Variants in RBFOX1 observed in about 807,000 individuals in gnomAD.
RBFOX1 encodes the protein RNA binding protein fox-1 homolog 1.
Under a neutral mutation model 57.7 loss-of-function variants are expected in RBFOX1, and 8 were observed. That is an observed-to-expected ratio of 0.14 (90% CI 0.08 to 0.25). RBFOX1 has a LOEUF of 0.25. Ranked by LOEUF, RBFOX1 falls within the 10% of genes least tolerant of loss-of-function variation. The probability of loss-of-function intolerance (pLI) is 1.00; values close to 1 mark genes in which losing one functional copy is unlikely to be tolerated. For synonymous variants in RBFOX1, 326 were observed against 222.4 expected, an observed-to-expected ratio of 1.47 and a Z score of -4.15; for missense variants, 611 against 548.5, an observed-to-expected ratio of 1.11 and a Z score of -1.14.
chr16:5,749,710 G>A (rs1459194377), intron 3 of RBFOX1, among the ~76,000 whole-genome samples: 3 of 152,178 alleles, frequency 2.0e-5, no homozygotes, highest in Non-Finnish European at 4.4e-5. Flanking sequence ...ATGGTTTTCA[G>A]TTCCATCAGG....
intron 4 of RBFOX1, among the ~76,000 whole-genome samples, chr16:7,378,598 GCATTAGGCA>G (rs1309117548): frequency 6.6e-6 from 1 of 152,214 alleles, no homozygotes; most frequent in African/African-American, 2.4e-5. Flanking sequence ...GGTGGGAGAA[GCATTAGGCA>G]CATTGTTTTT....
At chr16:7,144,038 C>T (rs2074389927) in intron 4 of RBFOX1, among the ~76,000 whole-genome samples, 2 of 152,036 alleles carry the variant, frequency 1.3e-5, no homozygotes, top group Admixed American at 6.6e-5. Flanking sequence ...TTTCAAGGTC[C>T]GTAAAGGCTG....
At chr16:7,688,250 TGTGTGTGTGTGA>T (rs1372686138) in intron 14 of RBFOX1, among the ~76,000 whole-genome samples, 6 of 103,948 alleles carry the variant, frequency 5.8e-5, no homozygotes, top group South Asian at 3.6e-4. Flanking sequence ...TGTGTGTGTG[TGTGTGTGTGTGA>T]GAGAGAGAGA....
At position 6,777,623 on chromosome 16, in the gene RBFOX1, T is replaced by C. The variant is rs182998824; in HGVS notation, c.-16+122973T>C. ...AACAGAATGATGGAAATTTCACACG[T>C]TATTCAGTGTTTTAAAAATCCAGTT... On this transcript the variant is annotated intron_variant, in intron 3 of 15. Coordinates refer to ENST00000550418, the MANE Select transcript of RBFOX1 (RefSeq NM_018723.4). 2.8e-3 allele frequency among the ~76,000 whole-genome samples: 431 copies of C among 152,262 alleles called. 2 individuals are homozygous for C. The highest frequency in any genetic ancestry group is 1.0e-2 in the African/African-American group (415 of 41,548).
chr16:6,118,663 T>G (rs2096524527), intron 1 of RBFOX1, among the ~76,000 whole-genome samples: 3 of 150,290 alleles, frequency 2.0e-5, no homozygotes, highest in African/African-American at 2.5e-5. Context: ...TCCCTCTCCT[T>G]CCTTCCTTCC....
intron 1 of RBFOX1, among the ~76,000 whole-genome samples, chr16:5,326,036 A>G (rs570004785): frequency 1.3e-5 from 2 of 152,336 alleles, no homozygotes; most frequent in African/African-American, 4.8e-5. Flanking sequence ...ACATACTTAT[A>G]TAAGAGTTTG....
At chr16:6,843,898 A>G (rs941909225) in intron 3 of RBFOX1, among the ~76,000 whole-genome samples, 4 of 152,110 alleles carry the variant, frequency 2.6e-5, no homozygotes, top group African/African-American at 9.7e-5. Flanking sequence ...TTCAGTATCT[A>G]AGAATATGGG....
At chr16:6,907,483 A>T (rs375519050) in intron 3 of RBFOX1, among the ~76,000 whole-genome samples, 2 of 152,206 alleles carry the variant, frequency 1.3e-5, no homozygotes, top group South Asian at 4.1e-4. Flanking sequence ...GTGTGAGATC[A>T]AGATGCCAGC....
At chr16:6,940,066 A>G (rs1470394286) in intron 3 of RBFOX1, among the ~76,000 whole-genome samples, 4 of 152,104 alleles carry the variant, frequency 2.6e-5, no homozygotes, top group African/African-American at 7.2e-5. Context: ...AATACAAAAA[A>G]TAGTAATCCC....
At chr16:5,861,739 A>G (rs2057221506) in intron 3 of RBFOX1, among the ~76,000 whole-genome samples, 1 of 152,236 alleles carries the variant, frequency 6.6e-6, no homozygotes, top group Admixed American at 6.5e-5. Flanking sequence ...CCTGATCACC[A>G]GAGGCATTAG....
chr16:5,739,706 A>G (rs1390641271), intron 3 of RBFOX1, among the ~76,000 whole-genome samples: 2 of 152,226 alleles, frequency 1.3e-5, no homozygotes, highest in Non-Finnish European at 2.9e-5. Flanking sequence ...GAGCCAACAG[A>G]AAGGCCCTTG....
At chr16:7,033,873 G>A (rs1465159162) in intron 3 of RBFOX1, among the ~76,000 whole-genome samples, 1 of 152,200 alleles carries the variant, frequency 6.6e-6, no homozygotes, top group Non-Finnish European at 1.5e-5. Context: ...GGAGGCTGGG[G>A]CAGGAGGATT....
At chr16:5,952,948 G>A (rs1269980092) in intron 4 of RBFOX1, among the ~76,000 whole-genome samples, 1 of 152,094 alleles carries the variant, frequency 6.6e-6, no homozygotes, top group Non-Finnish European at 1.5e-5. Flanking sequence ...CTTTGGTTTT[G>A]GTTTTTACAA....
chr16:5,962,664 A>C (rs112687922), intron 4 of RBFOX1, among the ~76,000 whole-genome samples: 1,634 of 152,248 alleles, frequency 0.011, 30 homozygotes, highest in African/African-American at 0.037. Flanking sequence ...AGAAATGGCT[A>C]ACAGATCGTA....
chr16:5,692,525 A>C (rs528540212), intron 3 of RBFOX1, among the ~76,000 whole-genome samples: 1 of 152,292 alleles, frequency 6.6e-6, no homozygotes, highest in East Asian at 1.9e-4. Flanking sequence ...TGAGTAGAGA[A>C]AGTCCATTTC....
rs187022057 is a variant in RBFOX1 at position 7,582,823 on chromosome 16, C to A, written c.414+2903C>A. Among the ~76,000 whole-genome samples the A allele has an allele frequency of 6.0e-4, 91 of 152,298 alleles. 2 individuals carry two copies. Among genetic ancestry groups the A allele is most frequent in the East Asian group, 5.8e-4 (3 of 5,184 alleles). On this transcript the variant is annotated intron_variant, in intron 6 of 15. Transcript: ENST00000550418. ...ACAAAGATCTTTGTGCTTTTCCCCCCCTTTGTCTCTTGTTAAATATAGGCA... is the reference window on the plus strand; with the variant it reads ...ACAAAGATCTTTGTGCTTTTCCCCCACTTTGTCTCTTGTTAAATATAGGCA...
intron 4 of RBFOX1, among the ~76,000 whole-genome samples, chr16:7,068,801 C>T (rs1286135239): frequency 2.0e-5 from 3 of 152,160 alleles, no homozygotes; most frequent in Non-Finnish European, 4.4e-5. Flanking sequence ...GTTGGCCAGG[C>T]TGGTCTCGAA....
intron 4 of RBFOX1, among the ~76,000 whole-genome samples, chr16:7,324,973 C>A (rs1159296686): frequency 6.6e-6 from 1 of 152,058 alleles, no homozygotes; most frequent in African/African-American, 2.4e-5. Flanking sequence ...TTGTTAATTC[C>A]TGGGTCTTAG....
At chr16:5,949,936 C>T (rs1033641740) in intron 4 of RBFOX1, among the ~76,000 whole-genome samples, 4 of 152,114 alleles carry the variant, frequency 2.6e-5, no homozygotes, top group African/African-American at 9.7e-5. Flanking sequence ...TCTGACTGGC[C>T]CCCCAGATGA....
Sources: gnomAD v4.1 joint callset for allele counts (sites outside exome capture counted in the v4.1 genomes callset) on GRCh38, gnomAD v4.1.1 for gene constraint, MANE v1.5 for transcripts, NCBI Gene and HGNC (gene_info 2026-07-23, HGNC 2026-07-21) for gene names.